The following PRR5L variants were observed in gnomAD, a reference collection of about 807,000 sequenced individuals.
PRR5L encodes proline rich 5 like, also known as proline-rich protein 5-like.
A neutral mutation model predicts 36.4 loss-of-function variants in PRR5L; 21 were observed. That is an observed-to-expected ratio of 0.58 (90% CI 0.41 to 0.83). The LOEUF is 0.83. Among genes scored for constraint, PRR5L ranks in the 40% least tolerant of loss-of-function variants. PRR5L has a pLI of 0.00. For synonymous variants in PRR5L, 188 were observed against 197.0 expected, an observed-to-expected ratio of 0.95 and a Z score of 0.38; for missense variants, 381 against 473.3, an observed-to-expected ratio of 0.80 and a Z score of 1.81.
rs186016016 is a variant in PRR5L at position 36,462,362 on chromosome 11, C to T, written c.733C>T (p.Arg245Trp). 26 of 1,506,638 alleles carry T rather than the reference C, an allele frequency of 1.7e-5. No individual in the cohort carries two copies. Among genetic ancestry groups the T allele is most frequent in the Admixed American group, 6.7e-5 (3 of 44,482 alleles). 93.3% of individuals were successfully genotyped at this position (1,506,638 alleles called of 1,614,324 possible). Residue 245 changes from arginine (R) to tryptophan (W), a missense_variant, in exon 9 of 9, where the codon CGG becomes TGG. Physicochemically the swap from Arg to Trp is moderately radical, Grantham distance 101 (BLOSUM62 -3). Coordinates refer to ENST00000530639, the MANE Select transcript of PRR5L (RefSeq NM_001160167.2). ...TGCAGCCAGGCGGCACTCCAGGGTC[C>T]GGCCCAAGGTGACTGTCCTGAACTA... ...YTLARRHSRV[R>W]PKVTVLNYAS... is the part of the protein sequence containing the mutation.
Position 36,412,991 on chromosome 11 carries a change from C to T in PRR5L, c.246-6264C>T, listed in dbSNP as rs984639832. On this transcript the variant is annotated intron_variant, in intron 3 of 8. Transcript: ENST00000530639. ...GGAAGGTAGCTTTTAAGTGAGGAAG[C>T]GTCTGCCAAGTTCCACTGGAGATGG... Among the ~76,000 whole-genome samples the T allele has an allele frequency of 5.3e-5, 8 of 152,126 alleles. No homozygotes were observed. In the East Asian group the frequency reaches 5.8e-4, roughly 11 times the overall value.
At chr11:36,426,720 A>ATC (rs1328867137) in intron 4 of PRR5L, among the ~76,000 whole-genome samples, 1 of 152,234 alleles carries the variant, frequency 6.6e-6, no homozygotes, top group Non-Finnish European at 1.5e-5. Flanking sequence ...AAAAGACTGT[A>ATC]AGACAGTGTC....
intron 7 of PRR5L, 30 bp downstream of exon 7, chr11:36,446,470 G>T: frequency 6.2e-7 from 1 of 1,610,864 alleles, no homozygotes; most frequent in Non-Finnish European, 8.5e-7. Context: ...TTGCCCCAAG[G>T]CAGAGGGAGG....
chr11:36,413,587 A>G (rs570434720), intron 3 of PRR5L, among the ~76,000 whole-genome samples: 1 of 148,586 alleles, frequency 6.7e-6, no homozygotes, highest in South Asian at 2.2e-4. Context: ...AAAGATAAGT[A>G]TTAGTAACGG....
At chr11:36,458,131 C>G (rs1202699594) in intron 8 of PRR5L, among the ~76,000 whole-genome samples, 1 of 152,344 alleles carries the variant, frequency 6.6e-6, no homozygotes, top group Admixed American at 6.5e-5. Context: ...GGCGTTTTGT[C>G]TCTTATCTCC....
intron 1 of PRR5L, among the ~76,000 whole-genome samples, chr11:36,364,998 T>C (rs1207605042): frequency 6.6e-6 from 1 of 152,212 alleles, no homozygotes; most frequent in Admixed American, 6.5e-5. Context: ...CAGTGATCCG[T>C]ACATCACAGG....
chr11:36,436,356 T>C (rs1858606202), intron 5 of PRR5L, among the ~76,000 whole-genome samples: 1 of 152,210 alleles, frequency 6.6e-6, no homozygotes, highest in East Asian at 1.9e-4. Context: ...CTGTGCAGGC[T>C]CCTCTTTGCC....
At position 36,462,495 on chromosome 11, in the gene PRR5L, G is replaced by A. The variant is rs779580374; in HGVS notation, c.866G>A (p.Arg289Gln). ...AYLEKCGSVR[R>Q]HTVANAHSDI... is the part of the protein sequence containing the mutation. ...CTGGAGAAGTGTGGCAGCGTGCGGC[G>A]GCACACGGTGGCCAATGCCCACTCG... Residue 289 changes from arginine to glutamine, a missense_variant, in exon 9 of 9, where the codon CGG becomes CAG. Physicochemically the swap from Arg to Gln is conservative, Grantham distance 43. Transcript: ENST00000530639. 7.5e-6 allele frequency: 12 copies of A among 1,608,214 alleles called. No homozygotes were observed. Among genetic ancestry groups the A allele is most frequent in the East Asian group, 4.5e-5 (2 of 44,812 alleles).
chr11:36,438,802 G>T (rs1858659348), intron 6 of PRR5L, among the ~76,000 whole-genome samples: 1 of 151,996 alleles, frequency 6.6e-6, no homozygotes, highest in Admixed American at 6.6e-5. Context: ...AGGCATGGTG[G>T]CTTGTGTCTG....
At chr11:36,432,186 GTTT>G (rs1299038847) in intron 5 of PRR5L, among the ~76,000 whole-genome samples, 87 of 151,112 alleles carry the variant, frequency 5.8e-4, no homozygotes, top group Non-Finnish European at 1.1e-3. Flanking sequence ...TTTTGTTTTT[GTTT>G]TTGTTTTTAA....
chr11:36,357,162 G>A (rs1857036434), intron 1 of PRR5L, among the ~76,000 whole-genome samples: 1 of 152,190 alleles, frequency 6.6e-6, no homozygotes, highest in Non-Finnish European at 1.5e-5. Context: ...CTTACGCCAA[G>A]GCATAATTCA....
At chr11:36,315,054 G>A (rs979136116) in intron 1 of PRR5L, among the ~76,000 whole-genome samples, 2 of 152,064 alleles carry the variant, frequency 1.3e-5, no homozygotes, top group Middle Eastern at 3.2e-3. Flanking sequence ...GTAGAAAATG[G>A]GCATTGACAA....
At chr11:36,410,503 G>A (rs764161116) in intron 3 of PRR5L, among the ~76,000 whole-genome samples, 1 of 152,172 alleles carries the variant, frequency 6.6e-6, no homozygotes, top group Non-Finnish European at 1.5e-5. Flanking sequence ...AAAGCTCTGA[G>A]CATCGATCTT....
At chr11:36,321,929 A>T (rs1856617300) in intron 1 of PRR5L, among the ~76,000 whole-genome samples, 1 of 152,158 alleles carries the variant, frequency 6.6e-6, no homozygotes, top group African/African-American at 2.4e-5. Flanking sequence ...GACACCGGTC[A>T]TATGGGGTTA....
chr11:36,429,621 G>C (rs1012809667), intron 4 of PRR5L, among the ~76,000 whole-genome samples: 3 of 152,126 alleles, frequency 2.0e-5, no homozygotes, highest in Non-Finnish European at 2.9e-5. Flanking sequence ...ATTAGGGAGG[G>C]TTAGGAAAGT....
rs138749118 is a variant in PRR5L, at chr11:36,368,924, A to G, written c.-125-32073A>G. 5.0e-3 allele frequency among the ~76,000 whole-genome samples: 768 copies of G among 152,320 alleles called. 16 individuals carry two copies. The highest frequency in any genetic ancestry group is 0.037 in the Admixed American group (570 of 15,290). On this transcript the variant is annotated intron_variant, in intron 1 of 8. Transcript: ENST00000530639. ...AAAATCAAAGCTCTTAGGGTCCCCA[A>G]TCACTTTAAAGAGAGTCGTGAGACA...
intron 1 of PRR5L, among the ~76,000 whole-genome samples, chr11:36,331,995 C>T (rs887136045): frequency 2.0e-5 from 3 of 152,050 alleles, no homozygotes; most frequent in South Asian, 2.1e-4. Context: ...AGTTTCTTTA[C>T]CTGTAAAATG....
At chr11:36,330,426 A>G (rs1273200182) in intron 1 of PRR5L, among the ~76,000 whole-genome samples, 1 of 152,152 alleles carries the variant, frequency 6.6e-6, no homozygotes, top group Non-Finnish European at 1.5e-5. Flanking sequence ...TAGTTCTGGA[A>G]ATCTTAACTC....
chr11:36,390,545 CTG>C (rs1419434568), intron 1 of PRR5L, among the ~76,000 whole-genome samples: 1 of 152,200 alleles, frequency 6.6e-6, no homozygotes, highest in Non-Finnish European at 1.5e-5. Flanking sequence ...GTTAAACACT[CTG>C]TACCTCCATT....
Sources: gnomAD v4.1 joint callset for allele counts (sites outside exome capture counted in the v4.1 genomes callset) on GRCh38, gnomAD v4.1.1 for gene constraint, MANE v1.5 for transcripts, NCBI Gene and HGNC (gene_info 2026-07-23, HGNC 2026-07-21) for gene names.